KLF12: variants seen among roughly 807,000 people sequenced by gnomAD.
KLF12 encodes KLF transcription factor 12.
KLF12 carries 9 observed loss-of-function variants against 37.8 expected under a neutral mutation model. That is an observed-to-expected ratio of 0.24 (90% confidence interval 0.14 to 0.42). The LOEUF (loss-of-function observed/expected upper bound fraction) is 0.42, where lower values mean the gene tolerates loss of function less well. KLF12 is among the 10% of genes least tolerant of loss of function. The pLI is 1.00. For synonymous variants in KLF12, 208 were observed against 202.1 expected (o/e 1.03, Z -0.25); for missense variants, 411 against 516.0 (o/e 0.80, Z 1.97).
chr13:74,294,408 G>A, the KLF12 span, among the ~76,000 whole-genome samples: 3 of 151,724 alleles, frequency 2.0e-5, no homozygotes, highest in East Asian at 5.8e-4. Context: ...TTTTTTTTTA[G>A]GCCAGGCTGG....
chr13:74,219,286 C>T, the KLF12 span, among the ~76,000 whole-genome samples: 1 of 152,140 alleles, frequency 6.6e-6, no homozygotes, highest in Non-Finnish European at 1.5e-5. Context: ...CATATTGGAC[C>T]ACATGAAACA....
intron 1 of KLF12, among the ~76,000 whole-genome samples, chr13:74,105,517 CAAT>C (rs751279329): frequency 7.3e-5 from 11 of 151,700 alleles, no homozygotes; most frequent in African/African-American, 2.7e-4. Flanking sequence ...CAAACAACAA[CAAT>C]AATAATAATA....
the KLF12 span, among the ~76,000 whole-genome samples, chr13:74,189,641 T>C: frequency 6.6e-6 from 1 of 152,224 alleles, no homozygotes; most frequent in East Asian, 1.9e-4. Flanking sequence ...CACCTCACTC[T>C]CCAACCCCTC....
chr13:73,969,299 A>C (rs1339681074), intron 2 of KLF12, among the ~76,000 whole-genome samples: 1 of 152,218 alleles, frequency 6.6e-6, no homozygotes, highest in Non-Finnish European at 1.5e-5. Flanking sequence ...AAGTAGAGAA[A>C]GGGGTTATAA....
At chr13:73,810,372 T>TA (rs1882861777) in intron 5 of KLF12, among the ~76,000 whole-genome samples, 1 of 152,168 alleles carries the variant, frequency 6.6e-6, no homozygotes, top group Non-Finnish European at 1.5e-5. Flanking sequence ...CAAAAATAGT[T>TA]ATGTTTAAGA....
At chr13:73,872,034 A>G (rs1886495476) in intron 3 of KLF12, among the ~76,000 whole-genome samples, 1 of 152,162 alleles carries the variant, frequency 6.6e-6, no homozygotes, top group African/African-American at 2.4e-5. Flanking sequence ...TCAAAGCGGG[A>G]TTTCCTAGAG....
At chr13:74,043,667 G>A (rs537300189) in intron 1 of KLF12, among the ~76,000 whole-genome samples, 1 of 152,340 alleles carries the variant, frequency 6.6e-6, no homozygotes, top group East Asian at 1.9e-4. Context: ...AGCAGTATGT[G>A]ACTGAATTTA....
At chr13:73,846,524 A>G (rs1366851988) in intron 3 of KLF12, 151 bp from the exon 4 acceptor site, 4 of 761,510 alleles carry the variant, frequency 5.3e-6, no homozygotes, top group Non-Finnish European at 8.3e-6. Context: ...GCTCAGAGAC[A>G]GTCACTGTGA....
At chr13:74,182,857 C>T in the KLF12 span, among the ~76,000 whole-genome samples, 1 of 151,340 alleles carries the variant, frequency 6.6e-6, no homozygotes, top group African/African-American at 2.4e-5. Flanking sequence ...TTTTATGAAG[C>T]AATAGGTATA....
intron 1 of KLF12, among the ~76,000 whole-genome samples, chr13:74,097,948 AATAT>A (rs1876077249): frequency 6.6e-6 from 1 of 152,130 alleles, no homozygotes; most frequent in Non-Finnish European, 1.5e-5. Flanking sequence ...TCTGTGAAAG[AATAT>A]TTATGTATCA....
At chr13:74,115,022 A>AC (rs1332329507) in intron 1 of KLF12, among the ~76,000 whole-genome samples, 1 of 151,814 alleles carries the variant, frequency 6.6e-6, no homozygotes, top group Non-Finnish European at 1.5e-5. Context: ...AACCATTCCC[A>AC]CTCTTTCCCA....
the KLF12 span, among the ~76,000 whole-genome samples, chr13:74,278,376 T>A: frequency 2.0e-5 from 3 of 152,212 alleles, no homozygotes; most frequent in African/African-American, 7.2e-5. Flanking sequence ...GAAACTGTCA[T>A]GTGTTCATCA....
intron 1 of KLF12, among the ~76,000 whole-genome samples, chr13:74,090,460 C>T (rs1050621417): frequency 6.6e-6 from 1 of 152,110 alleles, no homozygotes; most frequent in African/African-American, 2.4e-5. Flanking sequence ...AATTAATCTA[C>T]AGATTCAATG....
chr13:74,192,979 GTTT>G, the KLF12 span, among the ~76,000 whole-genome samples: 1 of 129,888 alleles, frequency 7.7e-6, no homozygotes, highest in Non-Finnish European at 1.7e-5. Flanking sequence ...AACTTTTTCT[GTTT>G]TTTTTTTTTT....
the KLF12 span, among the ~76,000 whole-genome samples, chr13:74,292,837 A>T: frequency 6.6e-6 from 1 of 152,158 alleles, no homozygotes; most frequent in Admixed American, 6.5e-5. Context: ...TTGTATTTTT[A>T]ATTTGTTTAT....
chr13:73,977,808 T>C (rs1421650258), intron 2 of KLF12, among the ~76,000 whole-genome samples: 1 of 152,128 alleles, frequency 6.6e-6, no homozygotes, highest in African/African-American at 2.4e-5. Flanking sequence ...AGTTCAGAAA[T>C]AGACCCACAT....
the KLF12 span, among the ~76,000 whole-genome samples, chr13:74,224,621 C>T: frequency 1.3e-5 from 2 of 152,256 alleles, no homozygotes; most frequent in South Asian, 2.1e-4. Flanking sequence ...TGTTTTAAAT[C>T]TCCATTAGGT....
At chr13:74,199,060 G>A in the KLF12 span, among the ~76,000 whole-genome samples, 2 of 152,176 alleles carry the variant, frequency 1.3e-5, no homozygotes, top group Non-Finnish European at 2.9e-5. Context: ...AACAGCCCAT[G>A]AGTCCACTAG....
chr13:74,160,681 A>T, the KLF12 span, among the ~76,000 whole-genome samples: 4 of 152,308 alleles, frequency 2.6e-5, no homozygotes, highest in African/African-American at 9.6e-5. Flanking sequence ...ACTTAAAAGC[A>T]CATAATCCAG....
Sources: gnomAD v4.1 joint callset for allele counts (sites outside exome capture counted in the v4.1 genomes callset) on GRCh38, gnomAD v4.1.1 for gene constraint, MANE v1.5 for transcripts, NCBI Gene and HGNC (gene_info 2026-07-23, HGNC 2026-07-21) for gene names.